Variants in KCNN2 observed in about 807,000 individuals in gnomAD.
KCNN2 encodes potassium calcium-activated channel subfamily N member 2, also known as small conductance calcium-activated potassium channel protein 2.
KCNN2 carries 24 observed loss-of-function variants against 55.5 expected under a neutral mutation model. That is an observed-to-expected ratio of 0.43 (90% confidence interval 0.31 to 0.61). The LOEUF (loss-of-function observed/expected upper bound fraction) is 0.61. Ranked by LOEUF, KCNN2 falls within the 20% of genes least tolerant of loss-of-function variation. KCNN2 has a pLI of 0.08. For missense variants in KCNN2, 754 were observed against 853.6 expected, an observed-to-expected ratio of 0.88 and a Z score of 1.45; for synonymous variants, 431 against 336.1, an observed-to-expected ratio of 1.28 and a Z score of -3.09.
chr5:114,363,362 G>C, intron 1 of KCNN2, 101 bp downstream of exon 1: 5 of 1,385,098 alleles, frequency 3.6e-6, no homozygotes, highest in Non-Finnish European at 4.8e-6. Context: ...TAGCCTCTCC[G>C]GGACGATCAA....
upstream of KCNN2, chr5:114,361,986 G>A (rs981053855): frequency 5.2e-5 from 8 of 153,028 alleles, no homozygotes; most frequent in African/African-American, 1.9e-4. Flanking sequence ...CCATTGTTTT[G>A]GTGCGCCCAA....
chr5:114,475,034 A>G (rs985311320), intron 5 of KCNN2, among the ~76,000 whole-genome samples: 7 of 152,228 alleles, frequency 4.6e-5, no homozygotes, highest in Non-Finnish European at 1.0e-4. Context: ...TGGAATATTG[A>G]TATTCCATAT....
intron 2 of KCNN2, among the ~76,000 whole-genome samples, chr5:114,241,579 C>T (rs766671370): frequency 2.0e-5 from 3 of 150,470 alleles, no homozygotes; most frequent in Non-Finnish European, 3.0e-5. Flanking sequence ...ATAAAGATTG[C>T]TGTCATGTGG....
At chr5:114,085,321 T>G (rs940144245) in intron 1 of KCNN2, among the ~76,000 whole-genome samples, 2 of 151,988 alleles carry the variant, frequency 1.3e-5, no homozygotes, top group Non-Finnish European at 2.9e-5. Context: ...AACTGACATC[T>G]TAATAATAAT....
intron 3 of KCNN2, among the ~76,000 whole-genome samples, chr5:114,444,916 A>C (rs139346026): frequency 2.0e-4 from 31 of 152,230 alleles, no homozygotes; most frequent in African/African-American, 7.5e-4. Context: ...TGCACCCCAC[A>C]TTGCATCAAG....
intron 3 of KCNN2, among the ~76,000 whole-genome samples, chr5:114,459,856 A>G (rs907395813): frequency 1.3e-5 from 2 of 152,196 alleles, no homozygotes; most frequent in Non-Finnish European, 2.9e-5. Flanking sequence ...TATAGTAAAT[A>G]TTAATTGAGT....
At chr5:114,375,115 T>A (rs1421975488) in intron 2 of KCNN2, among the ~76,000 whole-genome samples, 1 of 152,178 alleles carries the variant, frequency 6.6e-6, no homozygotes, top group African/African-American at 2.4e-5. Context: ...GAATAGTGTC[T>A]CCAGTCACAA....
intron 5 of KCNN2, among the ~76,000 whole-genome samples, chr5:114,474,112 G>C (rs1392565214): frequency 3.9e-5 from 6 of 152,116 alleles, no homozygotes. Context: ...TGAATCAATA[G>C]ATATTTCAAG....
In KCNN2 at chr5:114,362,391, T is replaced by G; in HGVS notation, c.252T>G (p.Asp84Glu). The G allele has an allele frequency of 3.3e-5, 7 of 209,230 alleles. No homozygotes were observed. The highest frequency in any genetic ancestry group is 6.6e-5 in the Non-Finnish European group (7 of 105,510). 13.0% of individuals were successfully genotyped at this position (209,230 alleles called of 1,614,324 possible). ...GTGCCCCGGCGGCGGGGGCGGGAGA[T>G]AACCTGTCCCTGCTGCTCCGCACCT... ...SSGAPAAGAGDNLSLLLRTSS... is the reference protein window; with the variant it reads ...SSGAPAAGAGENLSLLLRTSS... Residue 84 changes from aspartate to glutamate, a missense_variant, in exon 1 of 8, where the codon GAT (aspartate) becomes GAG (glutamate). Asp to Glu is a conservative substitution (Grantham distance 45). Coordinates refer to ENST00000673685, the MANE Select transcript of KCNN2 (RefSeq NM_021614.4).
intron 2 of KCNN2, among the ~76,000 whole-genome samples, chr5:114,255,127 A>G (rs1754956449): frequency 6.6e-6 from 1 of 152,226 alleles, no homozygotes; most frequent in African/African-American, 2.4e-5. Flanking sequence ...TGATCATTTA[A>G]TATGTATAAG....
At chr5:114,084,650 C>A (rs142794103) in intron 1 of KCNN2, among the ~76,000 whole-genome samples, 1 of 152,052 alleles carries the variant, frequency 6.6e-6, no homozygotes, top group African/African-American at 2.4e-5. Context: ...ATTCACAGAG[C>A]AGATAATTTT....
chr5:114,065,503 T>C (rs1750426506), intron 1 of KCNN2, among the ~76,000 whole-genome samples: 1 of 152,240 alleles, frequency 6.6e-6, no homozygotes, highest in Non-Finnish European at 1.5e-5. Context: ...ACTGTAGGTG[T>C]GCCTTATTTT....
chr5:114,159,578 G>T (rs1416996003), intron 1 of KCNN2, among the ~76,000 whole-genome samples: 1 of 152,162 alleles, frequency 6.6e-6, no homozygotes, highest in Non-Finnish European at 1.5e-5. Flanking sequence ...TGAAGGAATG[G>T]TACCAGTTCC....
chr5:114,093,057 ATT>A (rs1263845881), intron 1 of KCNN2, among the ~76,000 whole-genome samples: 1 of 152,026 alleles, frequency 6.6e-6, no homozygotes, highest in East Asian at 1.9e-4. Flanking sequence ...TTTCTGTCAC[ATT>A]GTCAGGATGC....
rs370297260 is a variant in KCNN2, at chr5:114,404,744, A to G, written c.1525A>G (p.Asn509Asp). 1 of 1,613,906 alleles carries G rather than the reference A, an allele frequency of 6.2e-7. No individual in the cohort carries two copies. The highest frequency in any genetic ancestry group is 1.3e-5 in the African/African-American group (1 of 74,914). The change falls in exon 3 of 8, where the codon AAT becomes GAT. Residue 509 changes from asparagine (N) to aspartate (D), a missense_variant. This residue lies in a region of KCNN2 where 86 missense variants were observed against 233.0 expected (regional missense o/e 0.37). Coordinates refer to ENST00000673685, the MANE Select transcript of KCNN2 (RefSeq NM_021614.4). ...TGGAGCACTTAATAAGATAAACTTCAATACACGTTTTGTTATGAAGACTTT... is the reference window on the plus strand; with the variant it reads ...TGGAGCACTTAATAAGATAAACTTCGATACACGTTTTGTTATGAAGACTTT... ...SIGALNKINF[N>D]TRFVMKTLMT...
At chr5:114,417,337 A>G (rs896619902) in intron 3 of KCNN2, among the ~76,000 whole-genome samples, 2 of 152,150 alleles carry the variant, frequency 1.3e-5, no homozygotes, top group Admixed American at 6.6e-5. Context: ...TAATCTGCCT[A>G]CTGTGCTTTC....
intron 2 of KCNN2, among the ~76,000 whole-genome samples, chr5:114,347,334 C>T (rs1445085084): frequency 6.6e-6 from 1 of 152,148 alleles, no homozygotes; most frequent in African/African-American, 2.4e-5. Context: ...ACACCATTGT[C>T]ACCAAGTGAT....
chr5:114,105,387 C>T (rs542085393), intron 1 of KCNN2, among the ~76,000 whole-genome samples: 2 of 149,324 alleles, frequency 1.3e-5, no homozygotes, highest in South Asian at 2.1e-4. Flanking sequence ...AAAGCTACAG[C>T]TTCTTTGATA....
chr5:114,488,654 C>T (rs1348313946), intron 6 of KCNN2, among the ~76,000 whole-genome samples: 1 of 152,032 alleles, frequency 6.6e-6, no homozygotes, highest in Non-Finnish European at 1.5e-5. Context: ...TGAGCTTTCG[C>T]CTCTGTGTTC....
Sources: gnomAD v4.1 joint callset for allele counts (sites outside exome capture counted in the v4.1 genomes callset) on GRCh38, gnomAD v4.1.1 for gene constraint, gnomAD v4.1.1 regional missense constraint, MANE v1.5 for transcripts, NCBI Gene and HGNC (gene_info 2026-07-23, HGNC 2026-07-21) for gene names.